The following NSA2 variants were observed in gnomAD, a reference collection of about 807,000 sequenced individuals.
The protein encoded by NSA2 is ribosome biogenesis protein NSA2 homolog.
A neutral mutation model predicts 34.8 loss-of-function variants in NSA2; 18 were observed. That is an observed-to-expected ratio of 0.52 (90% CI 0.36 to 0.77). The LOEUF is 0.77. NSA2 is among the 30% of genes least tolerant of loss of function. The probability of loss-of-function intolerance (pLI) is 0.00; values close to 1 mark genes in which losing one functional copy is unlikely to be tolerated. For missense variants in NSA2, 188 were observed against 314.7 expected (o/e 0.60, Z 3.05); for synonymous variants, 79 against 100.2 (o/e 0.79, Z 1.26).
chr5:74,774,667 A>G (rs3968877), intron 5 of NSA2, among the ~76,000 whole-genome samples: 24,853 of 152,126 alleles, frequency 0.16, 2,687 homozygotes, highest in African/African-American at 0.29. Context: ...CAAAGTTATA[A>G]CTAAGAAATA....
chr5:74,772,408 C>T (rs934053071), intron 4 of NSA2, among the ~76,000 whole-genome samples: 7 of 149,134 alleles, frequency 4.7e-5, no homozygotes, highest in Non-Finnish European at 1.0e-4. Flanking sequence ...CATGAGCCAC[C>T]GTGCCCGGCC....
intron 1 of NSA2, among the ~76,000 whole-genome samples, chr5:74,768,515 A>G (rs72764657): frequency 0.16 from 24,523 of 152,256 alleles, 2,399 homozygotes; most frequent in African/African-American, 0.28. Flanking sequence ...GTGGTTACAG[A>G]ACTGTGTAGT....
At chr5:74,774,447 C>T (rs1745044808) in intron 5 of NSA2, among the ~76,000 whole-genome samples, 2 of 151,702 alleles carry the variant, frequency 1.3e-5, no homozygotes, top group South Asian at 4.2e-4. Context: ...ACTAAAAATA[C>T]AAAAAAATCA....
intron 1 of NSA2, among the ~76,000 whole-genome samples, chr5:74,768,047 C>T (rs557399022): frequency 6.6e-6 from 1 of 152,290 alleles, no homozygotes; most frequent in South Asian, 2.1e-4. Flanking sequence ...CGCCTGGCCG[C>T]GTGTTTAAAA....
intron 1 of NSA2, among the ~76,000 whole-genome samples, chr5:74,768,059 G>C (rs1177301138): frequency 6.6e-6 from 1 of 152,180 alleles, no homozygotes; most frequent in Non-Finnish European, 1.5e-5. Context: ...TGTTTAAAAC[G>C]TGTCTAAAAT....
rs1745204234 is a variant in NSA2, at chr5:74,777,947, G to C, written c.*1276G>C. Reference sequence around the variant, plus strand: ...CTAGTTCCTTGGAAATGACGATCCAGGATGATACAATCACTTGATGACAGA... The same window carrying C: ...CTAGTTCCTTGGAAATGACGATCCACGATGATACAATCACTTGATGACAGA... On this transcript the variant is annotated 3_prime_UTR_variant, in exon 6 of 6. Coordinates refer to ENST00000610426, the MANE Select transcript of NSA2 (RefSeq NM_014886.6). 1 of 151,970 alleles carries C rather than the reference G, an allele frequency of 6.6e-6. No homozygotes were observed. The highest frequency in any genetic ancestry group is 1.5e-5 in the Non-Finnish European group (1 of 67,888). 9.4% of individuals were successfully genotyped at this position (151,970 alleles called of 1,614,324 possible). A position where few individuals can be genotyped will look rare whatever the true frequency, so the allele number is the denominator to read the frequency against.
intron 3 of NSA2, 153 bp downstream of exon 3, chr5:74,769,517 C>A (rs1744849270): frequency 3.3e-6 from 2 of 599,868 alleles, no homozygotes; most frequent in Non-Finnish European, 5.2e-6. Flanking sequence ...TAATAAAAAA[C>A]TTGCTTTCTC....
intron 4 of NSA2, chr5:74,771,333 A>G (rs1469508206): frequency 6.6e-6 from 1 of 152,174 alleles, no homozygotes; most frequent in Admixed American, 6.5e-5. Flanking sequence ...AAGTAGTATC[A>G]TAAGACATTG....
Position 74,767,286 on chromosome 5 carries a change from G to T in NSA2, c.-75G>T. ...CCCGGCCTGCGTGGTGTGGGCTTGT[G>T]GGTCTTTGAGACCCGAAAATTGAGA... On this transcript the variant is annotated 5_prime_UTR_variant, in exon 1 of 6. Transcript: ENST00000610426. 6.3e-7 allele frequency: 1 copy of T among 1,593,602 alleles called. No individual in the cohort carries two copies. Among genetic ancestry groups the T allele is most frequent in the Non-Finnish European group, 8.6e-7 (1 of 1,162,590 alleles).
chr5:74,769,369 G>A lies in NSA2; in HGVS notation c.342+5G>A. On this transcript the variant is annotated splice_donor_5th_base_variant and intron_variant, in intron 3 of 5. Transcript: ENST00000610426. The stretch of plus-strand genomic sequence containing the variant: ...CAGAAAAGAAAAGAGAAGGCGGTAA[G>A]CAATAACAATTGAAGTCTTTGTTTT... The A allele has an allele frequency of 6.3e-7, 1 of 1,588,546 alleles. No homozygotes were observed.
At position 74,779,633 on chromosome 5, in the gene NSA2, T is replaced by TA. The variant is rs944090214; in HGVS notation, c.*2963dup. The TA allele has an allele frequency of 1.3e-5, 2 of 151,940 alleles. No individual in the cohort carries two copies. Among genetic ancestry groups the TA allele is most frequent in the African/African-American group, 4.8e-5 (2 of 41,308 alleles). 9.4% of individuals were successfully genotyped at this position (151,940 alleles called of 1,614,324 possible). ...AATAGTAGTCATACTTTTTTTTTTT[T>TA]ACTTAGTATTAGCATTTGTTGAAAA... On this transcript the variant is annotated 3_prime_UTR_variant, in exon 6 of 6. Transcript: ENST00000610426.
chr5:74,774,522 T>C (rs1463700557), intron 5 of NSA2, among the ~76,000 whole-genome samples: 5 of 152,134 alleles, frequency 3.3e-5, no homozygotes. Flanking sequence ...GAGAATCACT[T>C]GAACTCAGGA....
rs184278299 is a variant in NSA2 at position 74,769,199 on chromosome 5, T to G, written c.192-15T>G. The G allele has an allele frequency of 1.1e-5, 18 of 1,595,810 alleles. No individual in the cohort carries two copies. In the Admixed American group the frequency reaches 2.4e-4, roughly 21 times the overall value. On this transcript the variant is annotated splice_polypyrimidine_tract_variant and intron_variant, in intron 2 of 5. Transcript: ENST00000610426. ...TTAAAACAGATAATCTTGAATCTTT[T>G]TTCCTTCTTGGTAGTATCAAGATGC... is the stretch of plus-strand genomic sequence containing the variant.
intron 5 of NSA2, among the ~76,000 whole-genome samples, chr5:74,775,750 A>G (rs949577185): frequency 3.3e-5 from 5 of 152,190 alleles, no homozygotes; most frequent in African/African-American, 9.7e-5. Context: ...GAGGCATACA[A>G]CATATAATCA....
chr5:74,767,597 G>C (rs908070531), intron 1 of NSA2, among the ~76,000 whole-genome samples: 2 of 152,164 alleles, frequency 1.3e-5, no homozygotes, highest in African/African-American at 4.8e-5. Flanking sequence ...ACTCTGTCCT[G>C]TTTTCTTTTT....
intron 3 of NSA2, 105 bp from the exon 4 acceptor site, chr5:74,770,526 A>G: frequency 1.1e-6 from 1 of 934,356 alleles, no homozygotes; most frequent in Non-Finnish European, 1.6e-6. Context: ...GTTGATGGTC[A>G]AGCAAAAAAA....
At chr5:74,776,522 A>AT in intron 5 of NSA2, 82 bp from the exon 6 acceptor site, 2 of 776,570 alleles carry the variant, frequency 2.6e-6, no homozygotes, top group Non-Finnish European at 2.3e-6. Context: ...AAGAAAAAAA[A>AT]GGCAAAAGTT....
In NSA2 at chr5:74,770,319, C is replaced by T. The variant is rs1044546916; in HGVS notation, c.343-312C>T. Among the ~76,000 whole-genome samples the T allele has an allele frequency of 9.2e-5, 13 of 142,066 alleles. 1 individual carries two copies. Among genetic ancestry groups the T allele is most frequent in the East Asian group, 6.1e-4 (3 of 4,898 alleles). The allele number at this position is 142,066 out of a possible 152,430, so 93.2% of individuals were successfully genotyped here. On this transcript the variant is annotated intron_variant, in intron 3 of 5. Coordinates refer to ENST00000610426, the MANE Select transcript of NSA2 (RefSeq NM_014886.6). ...CTGCACTCCAGCCTGAGCAACAGAG[C>T]GAGACTCCATCTAAAAAAAAAAAAA...
At chr5:74,770,020 C>T (rs1226143922) in intron 3 of NSA2, among the ~76,000 whole-genome samples, 2 of 152,090 alleles carry the variant, frequency 1.3e-5, no homozygotes, top group African/African-American at 4.8e-5. Context: ...CATTAGTAAA[C>T]ACATATACTG....
Sources: gnomAD v4.1 joint callset for allele counts (sites outside exome capture counted in the v4.1 genomes callset) on GRCh38, gnomAD v4.1.1 for gene constraint, MANE v1.5 for transcripts, NCBI Gene and HGNC (gene_info 2026-07-23, HGNC 2026-07-21) for gene names.